Variants in EYS observed in about 807,000 individuals in gnomAD.
The protein encoded by EYS is EGF-like photoreceptor maintenance factor.
EYS carries 250 observed loss-of-function variants against 282.1 expected under a neutral mutation model. The observed-to-expected ratio is 0.89, with a 90% CI of 0.80 to 0.98. The LOEUF (loss-of-function observed/expected upper bound fraction) is 0.98. EYS is among the 50% of genes least tolerant of loss of function. The probability of loss-of-function intolerance (pLI) is 0.00; values close to 1 mark genes in which losing one functional copy is unlikely to be tolerated. For synonymous variants in EYS, 1,355 were observed against 1,282.9 expected, an observed-to-expected ratio of 1.06 and a Z score of -1.20; for missense variants, 4,016 against 3,709.0, an observed-to-expected ratio of 1.08 and a Z score of -2.15.
At chr6:64,346,134 G>T (rs1771382146) in intron 29 of EYS, among the ~76,000 whole-genome samples, 1 of 152,104 alleles carries the variant, frequency 6.6e-6, no homozygotes, top group African/African-American at 2.4e-5. Context: ...CATTGTGGAA[G>T]TCAGTGTGGT....
chr6:64,278,681 T>G (rs532566451), intron 30 of EYS, among the ~76,000 whole-genome samples: 1 of 152,132 alleles, frequency 6.6e-6, no homozygotes, highest in Non-Finnish European at 1.5e-5. Flanking sequence ...GTTTTTAACA[T>G]TGTTAGAAGG....
intron 19 of EYS, among the ~76,000 whole-genome samples, chr6:64,853,614 G>A (rs1765955007): frequency 6.6e-6 from 1 of 152,152 alleles, no homozygotes; most frequent in South Asian, 2.1e-4. Flanking sequence ...CAGTGGAGAA[G>A]TAAAGCAGCT....
intron 40 of EYS, among the ~76,000 whole-genome samples, chr6:63,769,553 CAT>C (rs1244161224): frequency 6.6e-6 from 1 of 152,010 alleles, no homozygotes; most frequent in Non-Finnish European, 1.5e-5. Flanking sequence ...TGTCTCCAAA[CAT>C]AAACAGATGA....
At chr6:64,766,649 A>AT (rs1554201272) in intron 22 of EYS, among the ~76,000 whole-genome samples, 4 of 19,068 alleles carry the variant, frequency 2.1e-4, no homozygotes, top group Non-Finnish European at 3.1e-4. Flanking sequence ...AAAAAAAAAA[A>AT]ATATATATAT....
chr6:65,097,967 T>C (rs1774787483), intron 12 of EYS, among the ~76,000 whole-genome samples: 3 of 150,804 alleles, frequency 2.0e-5, no homozygotes, highest in Admixed American at 6.6e-5. Context: ...TAAAATATTA[T>C]GTTGTTTCTG....
chr6:64,281,957 A>C (rs1768324676), intron 30 of EYS, among the ~76,000 whole-genome samples: 1 of 152,118 alleles, frequency 6.6e-6, no homozygotes, highest in Admixed American at 6.6e-5. Flanking sequence ...TTTAGGAGAT[A>C]AAATTGATGT....
At chr6:65,029,461 C>A (rs1182713841) in intron 13 of EYS, among the ~76,000 whole-genome samples, 1 of 151,798 alleles carries the variant, frequency 6.6e-6, no homozygotes, top group South Asian at 2.1e-4. Context: ...AACCATTGAC[C>A]CTTGAACAGC....
At chr6:63,927,857 A>G (rs143255891) in intron 35 of EYS, among the ~76,000 whole-genome samples, 137 of 152,330 alleles carry the variant, frequency 9.0e-4, no homozygotes, top group African/African-American at 3.2e-3. Context: ...ATAGCTTTTT[A>G]TAGTCATGAC....
At chr6:64,014,754 G>A (rs1242077334) in intron 33 of EYS, among the ~76,000 whole-genome samples, 1 of 150,444 alleles carries the variant, frequency 6.6e-6, no homozygotes, top group Non-Finnish European at 1.5e-5. Context: ...AATATCCTTT[G>A]GCTTGGCTTA....
chr6:65,407,476 G>A (rs1308167519), intron 5 of EYS, among the ~76,000 whole-genome samples: 42 of 151,928 alleles, frequency 2.8e-4, no homozygotes, highest in African/African-American at 9.7e-4. Flanking sequence ...GGCTGGTCTC[G>A]AACTCCTGAC....
chr6:64,190,832 A>G (rs1329579366), intron 31 of EYS, among the ~76,000 whole-genome samples: 1 of 152,212 alleles, frequency 6.6e-6, no homozygotes, highest in Non-Finnish European at 1.5e-5. Context: ...CAAGTAATGC[A>G]TTAATTATAT....
chr6:63,820,481 A>G (rs1771293871), intron 36 of EYS, among the ~76,000 whole-genome samples: 1 of 152,190 alleles, frequency 6.6e-6, no homozygotes, highest in Admixed American at 6.5e-5. Flanking sequence ...TTTCTTTTAC[A>G]GCTCCAGAAT....
At chr6:65,415,181 G>A (rs917001489) in intron 5 of EYS, among the ~76,000 whole-genome samples, 10 of 152,126 alleles carry the variant, frequency 6.6e-5, no homozygotes, top group East Asian at 1.9e-4. Flanking sequence ...TAGTTGCATA[G>A]GTTCAAGAGG....
At chr6:65,012,131 G>T (rs901558134) in intron 13 of EYS, among the ~76,000 whole-genome samples, 4 of 152,114 alleles carry the variant, frequency 2.6e-5, no homozygotes, top group African/African-American at 9.7e-5. Flanking sequence ...AATCTTAATA[G>T]AAATACTTCA....
At chr6:64,098,338 A>G (rs6906159) in intron 31 of EYS, among the ~76,000 whole-genome samples, 10,629 of 152,210 alleles carry the variant, frequency 0.07, 975 homozygotes, top group African/African-American at 0.21. Flanking sequence ...AATAACTTCT[A>G]CAAATATAAG....
intron 19 of EYS, among the ~76,000 whole-genome samples, chr6:64,864,637 G>T (rs948605290): frequency 2.0e-5 from 3 of 151,166 alleles, no homozygotes; most frequent in Non-Finnish European, 4.4e-5. Context: ...ACCTGCCGCG[G>T]CCTTTCAAAG....
intron 12 of EYS, among the ~76,000 whole-genome samples, chr6:65,242,829 C>T (rs1327763259): frequency 6.6e-6 from 1 of 151,686 alleles, no homozygotes; most frequent in East Asian, 1.9e-4. Context: ...AAAGTGGTAG[C>T]GTTTTCAAGT....
At chr6:65,149,374 C>T (rs1040473842) in intron 12 of EYS, among the ~76,000 whole-genome samples, 1 of 152,150 alleles carries the variant, frequency 6.6e-6, no homozygotes, top group African/African-American at 2.4e-5. Context: ...CAAGAGTTAC[C>T]TTTGCTCCAG....
intron 26 of EYS, among the ~76,000 whole-genome samples, chr6:64,450,893 C>T (rs144617632): frequency 3.3e-5 from 5 of 152,062 alleles, no homozygotes; most frequent in Admixed American, 1.3e-4. Flanking sequence ...TAAACGCCCA[C>T]AAGAGAAAGC....
Sources: gnomAD v4.1 joint callset for allele counts (sites outside exome capture counted in the v4.1 genomes callset) on GRCh38, gnomAD v4.1.1 for gene constraint, MANE v1.5 for transcripts, NCBI Gene and HGNC (gene_info 2026-07-23, HGNC 2026-07-21) for gene names.